AP1G1: variants seen among roughly 807,000 people sequenced by gnomAD.
AP1G1 encodes the protein AP-1 complex subunit gamma-1.
AP1G1 carries 7 observed loss-of-function variants against 108.3 expected under a neutral mutation model. The observed-to-expected ratio is 0.06, with a 90% CI of 0.04 to 0.12. The LOEUF is 0.12. Ranked by LOEUF, AP1G1 falls within the 10% of genes least tolerant of loss-of-function variation. AP1G1 has a pLI of 1.00. For missense variants in AP1G1, 756 were observed against 1,010.7 expected (o/e 0.75, Z 3.42); for synonymous variants, 379 against 353.5 (o/e 1.07, Z -0.81).
intron 2 of AP1G1, among the ~76,000 whole-genome samples, chr16:71,784,412 G>A (rs1382126679): frequency 1.3e-5 from 2 of 151,970 alleles, no homozygotes; most frequent in Non-Finnish European, 2.9e-5. Context: ...CTTAGCTGTC[G>A]CACCAACAGC....
chr16:71,800,003 T>C (rs1232797177), intron 1 of AP1G1, among the ~76,000 whole-genome samples: 1 of 149,790 alleles, frequency 6.7e-6, no homozygotes, highest in Non-Finnish European at 1.5e-5. Context: ...GGCAGATTGC[T>C]CAAGCCCAGG....
At chr16:71,748,988 G>C (rs1023714423) in intron 15 of AP1G1, among the ~76,000 whole-genome samples, 29 of 151,844 alleles carry the variant, frequency 1.9e-4, no homozygotes, top group Non-Finnish European at 3.5e-4. Flanking sequence ...CTCACTGCAA[G>C]CTCCACCTCC....
chr16:71,745,023 C>G, intron 19 of AP1G1, 121 bp downstream of exon 19: 1 of 1,047,966 alleles, frequency 9.5e-7, no homozygotes, highest in Non-Finnish European at 1.4e-6. Flanking sequence ...TTGACTCTTG[C>G]TTCTGATTTA....
chr16:71,777,623 G>T (rs1490704351), intron 2 of AP1G1: 1 of 443,346 alleles, frequency 2.3e-6, no homozygotes, highest in South Asian at 1.7e-5. Context: ...GCCCCATTCT[G>T]TCTTCTACTG....
At chr16:71,796,762 G>C (rs1355946683) in intron 1 of AP1G1, among the ~76,000 whole-genome samples, 2 of 152,080 alleles carry the variant, frequency 1.3e-5, no homozygotes, top group Non-Finnish European at 2.9e-5. Flanking sequence ...GTAATTACAG[G>C]AATCTTATTT....
At chr16:71,794,820 A>G (rs2032520289) in intron 1 of AP1G1, among the ~76,000 whole-genome samples, 1 of 126,340 alleles carries the variant, frequency 7.9e-6, no homozygotes, top group East Asian at 2.5e-4. Flanking sequence ...TACCATTCTC[A>G]GGCCATGAGA....
At chr16:71,773,927 T>A (rs2145489961) in intron 3 of AP1G1, among the ~76,000 whole-genome samples, 1 of 151,516 alleles carries the variant, frequency 6.6e-6, no homozygotes, top group East Asian at 2.1e-4. Context: ...CACGTCCCAT[T>A]AATTTTTGTA....
chr16:71,784,737 T>C (rs757286076), intron 2 of AP1G1, among the ~76,000 whole-genome samples: 1 of 151,776 alleles, frequency 6.6e-6, no homozygotes, highest in Non-Finnish European at 1.5e-5. Flanking sequence ...TTTTGTATTT[T>C]TAGTAGAGAC....
At chr16:71,761,694 G>A (rs1344711941) in intron 9 of AP1G1, 127 bp from the exon 10 acceptor site, 3 of 706,568 alleles carry the variant, frequency 4.2e-6, no homozygotes, top group African/African-American at 1.8e-5. Context: ...AAGGAGCTGG[G>A]TGCGGTGGCT....
rs561150170 is a variant in AP1G1 at position 71,737,102 on chromosome 16, T to C, written c.2268+1840A>G. On this transcript the variant is annotated intron_variant, in intron 21 of 22. Coordinates refer to ENST00000299980, the MANE Select transcript of AP1G1 (RefSeq NM_001128.6). ...AACAGTGCCTGATTCAAAAAACTTATTTATTCCTTTAAGCAACCTTAGGAA... is the reference window on the plus strand; with the variant it reads ...AACAGTGCCTGATTCAAAAAACTTACTTATTCCTTTAAGCAACCTTAGGAA... Among the ~76,000 whole-genome samples the C allele has an allele frequency of 1.3e-3, 196 of 152,302 alleles. 1 individual carries two copies. Among genetic ancestry groups the C allele is most frequent in the Non-Finnish European group, 2.4e-3 (165 of 68,014 alleles).
intron 16 of AP1G1, 148 bp from the exon 17 acceptor site, chr16:71,746,840 CTT>C: frequency 1.7e-6 from 1 of 579,076 alleles, no homozygotes; most frequent in Non-Finnish European, 3.0e-6. Context: ...AAACAAAACA[CTT>C]TACTTTCATC....
chr16:71,808,562 G>A lies in AP1G1; in HGVS notation c.-4+201C>T, dbSNP rs768372235. On this transcript the variant is annotated intron_variant, in intron 1 of 22. Transcript: ENST00000299980. ...GGCGCGCGGAACCTCCCGGTCCGAG[G>A]CCTCGGGGTCGGCCCTCCAGAAGTC... 8.5e-6 allele frequency: 11 copies of A among 1,288,434 alleles called. No individual in the cohort carries two copies. In the South Asian group the frequency reaches 1.1e-4, roughly 13 times the overall value. 79.8% of individuals were successfully genotyped at this position (1,288,434 alleles called of 1,614,324 possible). A position where few individuals can be genotyped will look rare whatever the true frequency, so the allele number is the denominator to read the frequency against.
intron 9 of AP1G1, among the ~76,000 whole-genome samples, 154 bp from the exon 10 acceptor site, chr16:71,761,721 G>A (rs2031094337): frequency 7.0e-6 from 1 of 142,534 alleles, no homozygotes; most frequent in Non-Finnish European, 1.5e-5. Context: ...TGTAATCCCA[G>A]AACTTTGGGA....
chr16:71,733,183 A>G (rs1235856045), intron 22 of AP1G1, 24 bp from the exon 23 acceptor site: 3 of 1,555,700 alleles, frequency 1.9e-6, no homozygotes, highest in South Asian at 2.2e-5. Flanking sequence ...AGAGAAGTGC[A>G]AATTATATAC....
chr16:71,787,148 G>A (rs768272057), intron 2 of AP1G1, among the ~76,000 whole-genome samples: 29 of 151,796 alleles, frequency 1.9e-4, no homozygotes, highest in Admixed American at 6.6e-4. Flanking sequence ...GTAACATTCC[G>A]TCTCTACTAA....
intron 9 of AP1G1, among the ~76,000 whole-genome samples, chr16:71,763,084 A>T (rs184073266): frequency 6.6e-6 from 1 of 152,260 alleles, no homozygotes; most frequent in Non-Finnish European, 1.5e-5. Flanking sequence ...TCAGAAGTGA[A>T]ATGCTGGAGC....
intron 2 of AP1G1, among the ~76,000 whole-genome samples, chr16:71,783,281 C>G (rs1306296166): frequency 6.6e-6 from 1 of 151,884 alleles, no homozygotes; most frequent in African/African-American, 2.4e-5. Context: ...AAAAAAAGAA[C>G]TGCCATTGTT....
chr16:71,741,599 A>T (rs940339917), intron 19 of AP1G1, among the ~76,000 whole-genome samples: 1 of 152,226 alleles, frequency 6.6e-6, no homozygotes, highest in Non-Finnish European at 1.5e-5. Context: ...AAAAACAAGT[A>T]AATGACATAT....
chr16:71,739,300 T>C lies in AP1G1; in HGVS notation c.2041A>G (p.Ile681Val). 6.2e-7 allele frequency: 1 copy of C among 1,611,310 alleles called. No homozygotes were observed. Residue 681 changes from isoleucine to valine, a missense_variant, in exon 20 of 23, where the codon ATA (isoleucine) becomes GTA (valine). Physicochemically the swap from Ile to Val is conservative, Grantham distance 29. Around this residue, in one of 3 missense-constraint regions of AP1G1, gnomAD observed 357 missense variants for 366.5 expected, o/e 0.97. Transcript: ENST00000299980. ...AAPAPASVPQ[I>V]SQPPFLLDGL... ...TCCAACAAGAAGGGGGGCTGGGATA[T>C]CTGTGGGACTGAGGCAGGGGCAGGA... is the stretch of plus-strand genomic sequence containing the variant.
Sources: gnomAD v4.1 joint callset for allele counts (sites outside exome capture counted in the v4.1 genomes callset) on GRCh38, gnomAD v4.1.1 for gene constraint, gnomAD v4.1.1 regional missense constraint, MANE v1.5 for transcripts, NCBI Gene and HGNC (gene_info 2026-07-23, HGNC 2026-07-21) for gene names.